The following ITFG1 variants were observed in gnomAD, a reference collection of about 807,000 sequenced individuals.
ITFG1 encodes the protein T-cell immunomodulatory protein.
A neutral mutation model predicts 81.8 loss-of-function variants in ITFG1; 34 were observed. That is an observed-to-expected ratio of 0.42 (90% confidence interval 0.32 to 0.55). The LOEUF is 0.55. Among genes scored for constraint, ITFG1 ranks in the 20% least tolerant of loss-of-function variants. The pLI is 0.17. For missense variants in ITFG1, 672 were observed against 755.4 expected, an observed-to-expected ratio of 0.89 and a Z score of 1.29; for synonymous variants, 285 against 270.6, an observed-to-expected ratio of 1.05 and a Z score of -0.52.
intron 10 of ITFG1, among the ~76,000 whole-genome samples, chr16:47,305,314 G>C (rs541295286): frequency 6.6e-6 from 1 of 152,246 alleles, no homozygotes; most frequent in South Asian, 2.1e-4. Flanking sequence ...TTTGTAGTGA[G>C]TAAATTTCAT....
At chr16:47,428,389 T>C (rs2151609404) in intron 6 of ITFG1, among the ~76,000 whole-genome samples, 1 of 152,344 alleles carries the variant, frequency 6.6e-6, no homozygotes, top group Admixed American at 6.5e-5. Context: ...TGTCCAATTT[T>C]CTGTTTAAAA....
intron 14 of ITFG1, among the ~76,000 whole-genome samples, chr16:47,186,385 A>G (rs1401294240): frequency 2.0e-4 from 30 of 152,206 alleles, no homozygotes; most frequent in Admixed American, 2.0e-3. Context: ...AACCGAATCC[A>G]GCAACACATC....
chr16:47,224,420 G>A (rs563760326), intron 13 of ITFG1, among the ~76,000 whole-genome samples: 1 of 152,034 alleles, frequency 6.6e-6, no homozygotes, highest in African/African-American at 2.4e-5. Flanking sequence ...CACTATGTTC[G>A]TGCCCCAGAA....
chr16:47,386,322 T>A (rs866338198), intron 6 of ITFG1, among the ~76,000 whole-genome samples: 2 of 152,308 alleles, frequency 1.3e-5, no homozygotes, highest in Middle Eastern at 3.4e-3. Context: ...CTTTCTCTCC[T>A]CCTCCTAGCT....
rs75639114 is a variant in ITFG1, at chr16:47,379,070, C to A, written c.656-3130G>T. On this transcript the variant is annotated intron_variant, in intron 6 of 17. Coordinates refer to ENST00000320640, the MANE Select transcript of ITFG1 (RefSeq NM_030790.5). ...TGGAACAACTTCGGCTGAAAAGGAG[C>A]TACCTTGCAGAAGGTTGCATCCCTT... Among the ~76,000 whole-genome samples the A allele has an allele frequency of 9.7e-3, 1,470 of 152,244 alleles. 14 individuals carry two copies. Among genetic ancestry groups the A allele is most frequent in the Middle Eastern group, 0.017 (5 of 294 alleles).
At chr16:47,370,175 C>G (rs1416172046) in intron 7 of ITFG1, among the ~76,000 whole-genome samples, 1 of 152,090 alleles carries the variant, frequency 6.6e-6, no homozygotes, top group African/African-American at 2.4e-5. Flanking sequence ...AGGAGGCAGA[C>G]AAATTCCTAG....
At chr16:47,240,672 G>A (rs901128010) in intron 12 of ITFG1, among the ~76,000 whole-genome samples, 1 of 152,140 alleles carries the variant, frequency 6.6e-6, no homozygotes, top group African/African-American at 2.4e-5. Flanking sequence ...ACAGATGAAT[G>A]AATAAAATAT....
chr16:47,432,271 G>C (rs1219527996), intron 5 of ITFG1, among the ~76,000 whole-genome samples: 1 of 152,172 alleles, frequency 6.6e-6, no homozygotes, highest in Non-Finnish European at 1.5e-5. Context: ...CATCTCCATA[G>C]AGCAATTTAA....
At chr16:47,226,949 A>T (rs961393372) in intron 13 of ITFG1, among the ~76,000 whole-genome samples, 1 of 152,198 alleles carries the variant, frequency 6.6e-6, no homozygotes, top group Admixed American at 6.5e-5. Flanking sequence ...AAATTATTTC[A>T]GTTTTAATTT....
At chr16:47,411,346 G>A (rs1968808240) in intron 6 of ITFG1, among the ~76,000 whole-genome samples, 1 of 152,142 alleles carries the variant, frequency 6.6e-6, no homozygotes, top group Admixed American at 6.5e-5. Flanking sequence ...GTGATTTGGG[G>A]GCAGGAGGCT....
chr16:47,340,749 T>C (rs896633998), intron 8 of ITFG1, among the ~76,000 whole-genome samples: 9 of 152,008 alleles, frequency 5.9e-5, no homozygotes, highest in Non-Finnish European at 1.2e-4. Flanking sequence ...TAAAAAAACA[T>C]GGTCCAACTA....
intron 10 of ITFG1, among the ~76,000 whole-genome samples, chr16:47,298,629 G>T (rs1228499934): frequency 6.6e-6 from 1 of 152,168 alleles, no homozygotes; most frequent in Non-Finnish European, 1.5e-5. Context: ...TAGTAGCTGT[G>T]TACTGGGTGG....
chr16:47,323,740 T>C (rs1034760636), intron 8 of ITFG1, among the ~76,000 whole-genome samples: 3 of 152,120 alleles, frequency 2.0e-5, no homozygotes, highest in Non-Finnish European at 4.4e-5. Flanking sequence ...CTCAGTGAGT[T>C]GGGGTAGTAA....
At chr16:47,224,129 G>A (rs1020663032) in intron 13 of ITFG1, among the ~76,000 whole-genome samples, 1 of 151,682 alleles carries the variant, frequency 6.6e-6, no homozygotes, top group Non-Finnish European at 1.5e-5. Flanking sequence ...CGAGTTAGTG[G>A]GTGCAGCACA....
intron 8 of ITFG1, among the ~76,000 whole-genome samples, chr16:47,315,797 T>C (rs1967347579): frequency 1.5e-5 from 2 of 129,306 alleles, no homozygotes; most frequent in Non-Finnish European, 3.1e-5. Flanking sequence ...ATATAATTTA[T>C]TATTTTTTTT....
intron 6 of ITFG1, among the ~76,000 whole-genome samples, chr16:47,411,152 G>T (rs540234769): frequency 1.1e-3 from 167 of 152,304 alleles, no homozygotes; most frequent in African/African-American, 3.9e-3. Context: ...TGAGATCTGT[G>T]GCTGGCACTT....
At chr16:47,418,013 T>C (rs1968895207) in intron 6 of ITFG1, among the ~76,000 whole-genome samples, 1 of 152,218 alleles carries the variant, frequency 6.6e-6, no homozygotes, top group Non-Finnish European at 1.5e-5. Context: ...AGTGTTCTCA[T>C]TTCTCTGCAT....
At chr16:47,340,831 C>T (rs771318366) in intron 8 of ITFG1, among the ~76,000 whole-genome samples, 2 of 151,692 alleles carry the variant, frequency 1.3e-5, no homozygotes, top group Non-Finnish European at 2.9e-5. Context: ...GCAACAATGC[C>T]GGAGAGGTTA....
chr16:47,200,542 T>C (rs1408640558), intron 14 of ITFG1, among the ~76,000 whole-genome samples: 1 of 152,218 alleles, frequency 6.6e-6, no homozygotes, highest in East Asian at 1.9e-4. Flanking sequence ...CTTTCAATTA[T>C]GGGGATATGG....
Sources: gnomAD v4.1 joint callset for allele counts (sites outside exome capture counted in the v4.1 genomes callset) on GRCh38, gnomAD v4.1.1 for gene constraint, MANE v1.5 for transcripts, NCBI Gene and HGNC (gene_info 2026-07-23, HGNC 2026-07-21) for gene names.